The following FBN3 variants were observed in gnomAD, a reference collection of about 807,000 sequenced individuals.
FBN3 encodes fibrillin 3.
FBN3 carries 234 observed loss-of-function variants against 330.1 expected under a neutral mutation model. The observed-to-expected ratio is 0.71, with a 90% CI of 0.64 to 0.79. FBN3 has a LOEUF of 0.79. Ranked by LOEUF, FBN3 falls within the 30% of genes least tolerant of loss-of-function variation. The pLI, the probability that FBN3 is intolerant of heterozygous loss-of-function variation, is 0.00. For synonymous variants in FBN3, 1,458 were observed against 1,517.3 expected, an observed-to-expected ratio of 0.96 and a Z score of 0.91; for missense variants, 3,606 against 3,886.9, an observed-to-expected ratio of 0.93 and a Z score of 1.92.
intron 30 of FBN3, among the ~76,000 whole-genome samples, chr19:8,113,236 G>T (rs193024223): frequency 1.3e-4 from 20 of 152,232 alleles, no homozygotes; most frequent in South Asian, 2.1e-4. Context: ...GACGAGGTTG[G>T]GCAACATAGT....
rs950210180 is a variant in FBN3, at chr19:8,102,994, C to G, written c.4940-121G>C. ...TGAAGATTACTGGCTTGTCCAGGCACAGTGGCTCATGCCTGTAATCCCAGC... is the reference window on the plus strand; with the variant it reads ...TGAAGATTACTGGCTTGTCCAGGCAGAGTGGCTCATGCCTGTAATCCCAGC... On this transcript the variant is annotated intron_variant, in intron 39 of 63. Transcript: ENST00000600128. The G allele has an allele frequency of 1.7e-5, 18 of 1,049,038 alleles. No individual in the cohort carries two copies. The Admixed American group carries it at 2.9e-4, about 17-fold the overall frequency. The allele number at this position is 1,049,038 out of a possible 1,614,324, so 65.0% of individuals were successfully genotyped here.
At chr19:8,135,939 C>G in intron 13 of FBN3, 22 bp downstream of exon 13, 11 of 385,854 alleles carry the variant, frequency 2.9e-5, no homozygotes, top group East Asian at 8.0e-5. Context: ...AGCCCCTGCC[C>G]ACCCGCCCAC....
chr19:8,125,528 C>T (rs62126086), intron 22 of FBN3, among the ~76,000 whole-genome samples: 40,201 of 151,950 alleles, frequency 0.26, 6,091 homozygotes, highest in South Asian at 0.45. Flanking sequence ...TGGTGGCTCA[C>T]GCCTGTAATC....
At position 8,121,257 on chromosome 19, in the gene FBN3, C is replaced by T. The variant is rs775776479; in HGVS notation, c.3211+1G>A. On this transcript the variant is annotated splice_donor_variant, in intron 25 of 63. Coordinates refer to ENST00000600128, the MANE Select transcript of FBN3 (RefSeq NM_032447.5). LOFTEE classifies it high-confidence loss of function. The surrounding 1 kb of genome is among the most constrained non-coding windows in gnomAD (Gnocchi z 4.5). ...CACACCCCTGCCCGGCAGTCACCGA[C>T]CCATGCAGTTCTTCATCAGCATGAA... 1.9e-6 allele frequency: 3 copies of T among 1,600,590 alleles called. No individual in the cohort carries two copies. The highest frequency in any genetic ancestry group is 2.6e-6 in the Non-Finnish European group (3 of 1,172,246).
At chr19:8,135,861 A>C (rs1434595023) in intron 13 of FBN3, 100 bp downstream of exon 13, 2 of 1,338,626 alleles carry the variant, frequency 1.5e-6, no homozygotes, top group Non-Finnish European at 2.1e-6. Context: ...CGTCGTAGGG[A>C]GGGAGGTGGG....
chr19:8,142,217 C>A lies in FBN3; in HGVS notation c.542-80G>T, dbSNP rs961895043. The A allele has an allele frequency of 9.6e-6, 11 of 1,145,356 alleles. No homozygotes were observed. The African/African-American group carries it at 1.5e-4, about 16-fold the overall frequency. 70.9% of individuals were successfully genotyped at this position (1,145,356 alleles called of 1,614,324 possible). A position where few individuals can be genotyped will look rare whatever the true frequency, so the allele number is the denominator to read the frequency against. On this transcript the variant is annotated intron_variant, in intron 6 of 63. Transcript: ENST00000600128. ...CTCTGCGTCTCTAACACCTTCTCAG[C>A]GGCCCCTGCACCCACAGACCAGGCT...
intron 6 of FBN3, among the ~76,000 whole-genome samples, chr19:8,143,795 TTTTC>T (rs146473687): frequency 0.26 from 36,090 of 139,594 alleles, 5,736 homozygotes; most frequent in Non-Finnish European, 0.35. Flanking sequence ...GCCTGGCCTC[TTTTC>T]TTTCTTTCTT....
Position 8,105,983 on chromosome 19 carries a change from G to A in FBN3, c.4813+125C>T, listed in dbSNP as rs117899748. ...AGAACTGACAGATCATGACAAAAGA[G>A]GAGGCAGGGGGCAGAAGCCTTTCCA... On this transcript the variant is annotated intron_variant, in intron 38 of 63. Coordinates refer to ENST00000600128, the MANE Select transcript of FBN3 (RefSeq NM_032447.5). 5,170 of 1,089,198 alleles carry A rather than the reference G, an allele frequency of 4.7e-3. 23 individuals are homozygous for A. Among genetic ancestry groups the A allele is most frequent in the Non-Finnish European group, 6.3e-3 (4,780 of 760,274 alleles). The allele number at this position is 1,089,198 out of a possible 1,614,324, so 67.5% of individuals were successfully genotyped here.
rs572048792 is a variant in FBN3, at chr19:8,131,486, C to T, written c.1990+68G>A. The T allele has an allele frequency of 4.4e-5, 68 of 1,546,036 alleles. No homozygotes were observed. In the African/African-American group the frequency reaches 8.0e-4, roughly 18 times the overall value. On this transcript the variant is annotated intron_variant, in intron 15 of 63. Coordinates refer to ENST00000600128, the MANE Select transcript of FBN3 (RefSeq NM_032447.5). This position sits in a 1 kb window ranked among gnomAD's most constrained non-coding sequence, Gnocchi z 4.5. ...CTCCATGGCAGCCATGACCCCCCACCAGAAGCGAGAACCGATGGAGGCATT... is the reference window on the plus strand; with the variant it reads ...CTCCATGGCAGCCATGACCCCCCACTAGAAGCGAGAACCGATGGAGGCATT...
Position 8,116,674 on chromosome 19 carries a change from C to G in FBN3, c.3712G>C (p.Asp1238His), listed in dbSNP as rs775741379. The G allele has an allele frequency of 6.2e-7, 1 of 1,611,834 alleles. No homozygotes were observed. Among genetic ancestry groups the G allele is most frequent in the South Asian group, 1.1e-5 (1 of 90,996 alleles). ...MATPDMRTCV[D>H]VDECDLNPHI... Reference sequence around the variant, plus strand: ...CCGCCCCACCGTCCCGGCTCCTCACCAACACATGTCCTCATGTCTGGCGTG... The same window carrying G: ...CCGCCCCACCGTCCCGGCTCCTCACGAACACATGTCCTCATGTCTGGCGTG... Residue 1238 changes from aspartate to histidine, a missense_variant and splice_region_variant, in exon 29 of 64, where the codon GAT (aspartate) becomes CAT (histidine). Physicochemically the swap from Asp to His is moderately conservative, Grantham distance 81 (BLOSUM62 -1). Coordinates refer to ENST00000600128, the MANE Select transcript of FBN3 (RefSeq NM_032447.5).
chr19:8,087,382 C>G (rs997493221), intron 53 of FBN3, among the ~76,000 whole-genome samples, 171 bp from the exon 54 acceptor site: 1 of 152,164 alleles, frequency 6.6e-6, no homozygotes, highest in Non-Finnish European at 1.5e-5. Context: ...CAGCCCCAGC[C>G]TCCAAGAAGC....
rs748408888 is a variant in FBN3, at chr19:8,117,198, G to A, written c.3557C>T (p.Ser1186Leu). The A allele has an allele frequency of 3.7e-6, 6 of 1,613,974 alleles. No individual in the cohort carries two copies. The highest frequency in any genetic ancestry group is 5.1e-6 in the Non-Finnish European group (6 of 1,179,992). Residue 1186 changes from serine to leucine, a missense_variant, in exon 28 of 64, where the codon TCG becomes TTG. Ser to Leu is a moderately radical substitution (Grantham distance 145). Coordinates refer to ENST00000600128, the MANE Select transcript of FBN3 (RefSeq NM_032447.5). ...ACATGCCCTTCCGTCGGGCATCAGC[G>A]AGTAGCCCTGCCCACAGCTGCACCG... The part of the protein sequence containing the change: ...SYRCSCGQGY[S>L]LMPDGRACAD...
At chr19:8,069,175 T>G (rs368444484) in intron 63 of FBN3, among the ~76,000 whole-genome samples, 1 of 152,176 alleles carries the variant, frequency 6.6e-6, no homozygotes, top group African/African-American at 2.4e-5. Context: ...AGCCGCCTGA[T>G]AGCTTCCGCT....
Position 8,126,348 on chromosome 19 carries a change from C to G in FBN3, c.2555-1G>C, listed in dbSNP as rs746823264. 3 of 1,590,520 alleles carry G rather than the reference C, an allele frequency of 1.9e-6. No individual in the cohort carries two copies. Among genetic ancestry groups the G allele is most frequent in the East Asian group, 4.5e-5 (2 of 44,118 alleles). On this transcript the variant is annotated splice_acceptor_variant, in intron 20 of 63. Transcript: ENST00000600128. LOFTEE classifies it high-confidence loss of function. ...GCAAAGCCCCGGGCACAGGCAGGGT[C>G]TGCAACTGGGAGAACAAGAGTGAAG...
At chr19:8,126,265 AG>A in intron 21 of FBN3, 31 bp downstream of exon 21, 1 of 1,577,516 alleles carries the variant, frequency 6.3e-7, no homozygotes, top group Non-Finnish European at 8.6e-7. Flanking sequence ...GCTCTGGAGT[AG>A]GGGGTGAGCT....
At position 8,121,486 on chromosome 19, in the gene FBN3, G is replaced by A. The variant is rs2082849689; in HGVS notation, c.3083-100C>T. On this transcript the variant is annotated intron_variant, in intron 24 of 63. Transcript: ENST00000600128. This position sits in a 1 kb window ranked among gnomAD's most constrained non-coding sequence, Gnocchi z 4.5. ...TCCTTTGATGGAGGTGTGGGCTAGAGGAAGCCCATCTGCAGACATAAGGAG... is the reference window on the plus strand; with the variant it reads ...TCCTTTGATGGAGGTGTGGGCTAGAAGAAGCCCATCTGCAGACATAAGGAG... 1.6e-6 allele frequency: 2 copies of A among 1,245,358 alleles called. No homozygotes were observed. The highest frequency in any genetic ancestry group is 2.2e-6 in the Non-Finnish European group (2 of 921,354). 77.1% of individuals were successfully genotyped at this position (1,245,358 alleles called of 1,614,324 possible).
chr19:8,086,089 A>C, intron 55 of FBN3, 111 bp downstream of exon 55: 4 of 360,040 alleles, frequency 1.1e-5, no homozygotes, highest in Non-Finnish European at 1.7e-5. Flanking sequence ...AGTGGGAGGG[A>C]CAGGGAGTGA....
Position 8,109,857 on chromosome 19 carries a change from TG to T in FBN3, c.4334-105del. The T allele has an allele frequency of 7.9e-7, 1 of 1,273,556 alleles. No individual in the cohort carries two copies. Among genetic ancestry groups the T allele is most frequent in the Non-Finnish European group, 1.0e-6 (1 of 959,914 alleles). 78.9% of individuals were successfully genotyped at this position (1,273,556 alleles called of 1,614,324 possible). ...ACAGCCCTCGCTCAAGGTCAACTCC[TG>T]GGCACCAGATTGTGGGACAATGTCA... is the stretch of plus-strand genomic sequence containing the variant. On this transcript the variant is annotated intron_variant, in intron 34 of 63. Transcript: ENST00000600128. This position sits in a 1 kb window ranked among gnomAD's most constrained non-coding sequence, Gnocchi z 5.2.
chr19:8,135,930 G>T (rs1474121499), intron 13 of FBN3, 31 bp downstream of exon 13: 2 of 1,168,600 alleles, frequency 1.7e-6, no homozygotes, highest in African/African-American at 1.6e-5. Context: ...GGGCCCGGAA[G>T]CCCCTGCCCA....
Sources: gnomAD v4.1 joint callset for allele counts (sites outside exome capture counted in the v4.1 genomes callset) on GRCh38, gnomAD v4.1.1 for gene constraint, Gnocchi (gnomAD v3.1) non-coding constraint, MANE v1.5 for transcripts, NCBI Gene and HGNC (gene_info 2026-07-23, HGNC 2026-07-21) for gene names.